Variants in MFAP1 observed in about 807,000 individuals in gnomAD.
The protein encoded by MFAP1 is microfibril associated protein 1, also known as microfibrillar-associated protein 1.
Under a neutral mutation model 62.2 loss-of-function variants are expected in MFAP1, and 18 were observed. The observed-to-expected ratio is 0.29, with a 90% CI of 0.20 to 0.43. The LOEUF is 0.43. Among genes scored for constraint, MFAP1 ranks in the 20% least tolerant of loss-of-function variants. The pLI, the probability that MFAP1 is intolerant of heterozygous loss-of-function variation, is 1.00. For missense variants in MFAP1, 355 were observed against 559.7 expected (o/e 0.63, Z 3.69); for synonymous variants, 175 against 180.4 (o/e 0.97, Z 0.24).
chr15:43,817,856 T>C (rs2087443780), intron 1 of MFAP1, among the ~76,000 whole-genome samples: 1 of 152,216 alleles, frequency 6.6e-6, no homozygotes, highest in South Asian at 2.1e-4. Flanking sequence ...AACATAAAAC[T>C]GCTCAGGCAT....
chr15:43,807,282 C>T (rs915890970), intron 7 of MFAP1, among the ~76,000 whole-genome samples: 1 of 147,126 alleles, frequency 6.8e-6, no homozygotes, highest in Non-Finnish European at 1.5e-5. Context: ...ACCCGGGAGG[C>T]GGAGGTTGCA....
intron 6 of MFAP1, among the ~76,000 whole-genome samples, chr15:43,812,765 G>T (rs567928895): frequency 1.3e-5 from 2 of 152,196 alleles, no homozygotes; most frequent in East Asian, 1.9e-4. Flanking sequence ...GGGAGCACTG[G>T]CTGGCACTCT....
intron 1 of MFAP1, 70 bp from the exon 2 acceptor site, chr15:43,817,518 G>C: frequency 2.1e-6 from 3 of 1,459,512 alleles, no homozygotes; most frequent in Non-Finnish European, 2.9e-6. Context: ...CACGGCCTTT[G>C]CAAATAGAGC....
chr15:43,810,111 T>C (rs3825783), intron 6 of MFAP1, 197 bp from the exon 7 acceptor site: 66,527 of 553,074 alleles, frequency 0.12, 5,081 homozygotes, highest in East Asian at 0.25. Context: ...AGACTAGGTA[T>C]TGCCAACTTT....
chr15:43,814,719 C>A (rs762143516), intron 3 of MFAP1, 31 bp from the exon 4 acceptor site: 5 of 1,606,730 alleles, frequency 3.1e-6, no homozygotes, highest in Non-Finnish European at 4.3e-6. Context: ...GCCAGTCAGT[C>A]AAATGGCCTA....
In MFAP1 at chr15:43,814,976, C is replaced by T; in HGVS notation, c.398G>A (p.Ser133Asn). 1 of 1,614,160 alleles carries T rather than the reference C, an allele frequency of 6.2e-7. No homozygotes were observed. The highest frequency in any genetic ancestry group is 8.5e-7 in the Non-Finnish European group (1 of 1,180,024). ...ATCAATTTCCTCCTCCTCTTCTTCA[C>T]TGCTGTCTTCTCGTTCCATGCGCCA... Reference protein sequence around the residue: ...DAWRMEREDSSEEEEEEIDDE... With the variant: ...DAWRMEREDSNEEEEEEIDDE... Residue 133 changes from serine to asparagine, a missense_variant, in exon 3 of 9, where the codon AGT becomes AAT. By Grantham distance (46) the Ser-to-Asn change is conservative. Around this residue, in one of 6 missense-constraint regions of MFAP1, gnomAD observed 257 missense variants for 341.3 expected, o/e 0.75. Transcript: ENST00000267812.
chr15:43,822,308 T>A (rs2087471452), intron 1 of MFAP1, among the ~76,000 whole-genome samples: 1 of 150,506 alleles, frequency 6.6e-6, no homozygotes, highest in Admixed American at 6.6e-5. Context: ...AATGTAAAAA[T>A]CTGATACAAC....
intron 1 of MFAP1, among the ~76,000 whole-genome samples, chr15:43,819,182 G>A (rs1354996324): frequency 6.6e-6 from 1 of 152,016 alleles, no homozygotes; most frequent in Non-Finnish European, 1.5e-5. Context: ...AACACAGTAA[G>A]ACTCTGTCTT....
chr15:43,820,341 A>C lies in MFAP1; in HGVS notation c.80-2893T>G, dbSNP rs543334981. Among the ~76,000 whole-genome samples the C allele has an allele frequency of 7.2e-5, 11 of 152,200 alleles. No individual in the cohort carries two copies. The South Asian group carries it at 2.3e-3, about 32-fold the overall frequency. On this transcript the variant is annotated intron_variant, in intron 1 of 8. Transcript: ENST00000267812. ...CAAAAAAAACAAACAACAACAACAAAAAAAACCAGTGAGCATCCTAATGTT... is the reference window on the plus strand; with the variant it reads ...CAAAAAAAACAAACAACAACAACAACAAAAACCAGTGAGCATCCTAATGTT...
rs1481430680 is a variant in MFAP1, at chr15:43,809,735, ACT to A, written c.1047+18_1047+19del. 5.0e-6 allele frequency: 8 copies of A among 1,605,916 alleles called. No individual in the cohort carries two copies. The highest frequency in any genetic ancestry group is 1.1e-5 in the South Asian group (1 of 90,700). On this transcript the variant is annotated intron_variant, in intron 7 of 8. Transcript: ENST00000267812. Reference sequence around the variant, plus strand: ...GTTATTCCTACTGCCCAATTTTCTGACTCTCTTTTCACTTCTTACCATGAAGA... The same window carrying A: ...GTTATTCCTACTGCCCAATTTTCTGACTCTTTTCACTTCTTACCATGAAGA...
In MFAP1 at chr15:43,805,488, A is replaced by G. The variant is rs940744177; in HGVS notation, c.1048-23T>C. The G allele has an allele frequency of 4.4e-6, 7 of 1,582,606 alleles. No individual in the cohort carries two copies. The African/African-American group carries it at 9.6e-5, about 22-fold the overall frequency. ...ATCCTGTATAAAAAAAATCTTATCA[A>G]TCTTGTGGCTTTATTTCCTATATAT... On this transcript the variant is annotated intron_variant, in intron 7 of 8. Transcript: ENST00000267812.
intron 1 of MFAP1, among the ~76,000 whole-genome samples, chr15:43,817,998 A>G (rs147024200): frequency 9.3e-4 from 141 of 151,832 alleles, no homozygotes; most frequent in African/African-American, 3.2e-3. Flanking sequence ...AAGAGTATGT[A>G]ATCTCTTACA....
chr15:43,811,601 G>A (rs2087401810), intron 6 of MFAP1, among the ~76,000 whole-genome samples: 1 of 150,698 alleles, frequency 6.6e-6, no homozygotes, highest in African/African-American at 2.4e-5. Flanking sequence ...TCTGCCTGCC[G>A]GGTTCAAGCG....
chr15:43,818,089 G>A (rs968475480), intron 1 of MFAP1, among the ~76,000 whole-genome samples: 5 of 149,214 alleles, frequency 3.4e-5, no homozygotes, highest in Middle Eastern at 6.9e-3. Context: ...GCGTGGTCTC[G>A]GCTCACTGCA....
intron 6 of MFAP1, among the ~76,000 whole-genome samples, chr15:43,812,408 G>A (rs1341367033): frequency 6.6e-6 from 1 of 152,108 alleles, no homozygotes; most frequent in Non-Finnish European, 1.5e-5. Flanking sequence ...TTCTGGAACC[G>A]ACATGTCAGA....
At chr15:43,810,986 A>C (rs1239523206) in intron 6 of MFAP1, among the ~76,000 whole-genome samples, 1 of 150,618 alleles carries the variant, frequency 6.6e-6, no homozygotes, top group Non-Finnish European at 1.5e-5. Context: ...CAAACTCCTG[A>C]CCTTGTGAGC....
chr15:43,821,055 C>T (rs2087463924), intron 1 of MFAP1, among the ~76,000 whole-genome samples: 1 of 152,136 alleles, frequency 6.6e-6, no homozygotes, highest in African/African-American at 2.4e-5. Flanking sequence ...CAGACAGGTA[C>T]CACCCAGGTA....
intron 6 of MFAP1, 42 bp downstream of exon 6, chr15:43,812,945 T>C: frequency 6.2e-7 from 1 of 1,604,276 alleles, no homozygotes; most frequent in Non-Finnish European, 8.5e-7. Context: ...TAGAAACCTG[T>C]TCCATTAGCA....
chr15:43,823,624 G>A (rs576144445), intron 1 of MFAP1, among the ~76,000 whole-genome samples: 6 of 152,144 alleles, frequency 3.9e-5, no homozygotes, highest in Non-Finnish European at 8.8e-5. Context: ...TGTTCAGCCC[G>A]CCTCAGCCTC....
Sources: allele counts gnomAD v4.1 joint callset (sites outside exome capture counted in the v4.1 genomes callset), GRCh38; gene constraint gnomAD v4.1.1; regional missense constraint gnomAD v4.1.1; transcripts MANE v1.5; gene names NCBI Gene and HGNC (gene_info 2026-07-23, HGNC 2026-07-21).